The following RP1 variants were observed in gnomAD, a reference collection of about 807,000 sequenced individuals.
RP1 encodes oxygen-regulated protein 1.
A neutral mutation model predicts 14.8 loss-of-function variants in RP1; 16 were observed. The ratio of observed to expected loss-of-function variants is 1.08; its 90% CI spans 0.73 to 1.65. RP1 has a LOEUF of 1.65. RP1 is among the 40% of genes most tolerant of loss of function. The pLI, the probability that RP1 is intolerant of heterozygous loss-of-function variation, is 0.00. For synonymous variants in RP1, 876 were observed against 883.6 expected, an observed-to-expected ratio of 0.99 and a Z score of 0.15; for missense variants, 2,631 against 2,535.0, an observed-to-expected ratio of 1.04 and a Z score of -0.81.
chr8:54,669,896 G>A (rs577331934), intron 7 of RP1, among the ~76,000 whole-genome samples: 1 of 151,930 alleles, frequency 6.6e-6, no homozygotes, highest in South Asian at 2.1e-4. Flanking sequence ...AGGGAAGGGG[G>A]AGGGATAGCA....
At chr8:54,744,343 A>C (rs1338903094) in intron 19 of RP1, among the ~76,000 whole-genome samples, 1 of 152,162 alleles carries the variant, frequency 6.6e-6, no homozygotes, top group Non-Finnish European at 1.5e-5. Context: ...CTCCCTAGGG[A>C]GCCTAGGTGA....
chr8:54,656,021 C>G, intron 5 of RP1: 1 of 1,272,182 alleles, frequency 7.9e-7, no homozygotes, highest in Non-Finnish European at 1.1e-6. Flanking sequence ...TGAACAAAAA[C>G]TTATTTGACA....
At chr8:54,592,032 G>A (rs966005109) in intron 1 of RP1, among the ~76,000 whole-genome samples, 4 of 152,190 alleles carry the variant, frequency 2.6e-5, no homozygotes, top group African/African-American at 4.8e-5. Context: ...AAGGGGAAGA[G>A]CTACAGATTA....
downstream of RP1, among the ~76,000 whole-genome samples, chr8:54,772,629 A>G (rs1295832036): frequency 6.6e-6 from 1 of 152,166 alleles, no homozygotes; most frequent in East Asian, 1.9e-4. Flanking sequence ...TCATTATTCC[A>G]CTTCACAGGT....
chr8:54,728,576 C>G (rs941076439), intron 17 of RP1, among the ~76,000 whole-genome samples: 1 of 151,970 alleles, frequency 6.6e-6, no homozygotes, highest in African/African-American at 2.4e-5. Flanking sequence ...ATTCAAAATG[C>G]TTATTTATTA....
chr8:54,812,761 T>TCATC (rs1160464085), intron 24 of RP1, among the ~76,000 whole-genome samples: 1 of 135,198 alleles, frequency 7.4e-6, no homozygotes, highest in African/African-American at 2.7e-5. Context: ...TATCTATCTA[T>TCATC]CATCTATCTA....
intron 2 of RP1, 117 bp from the exon 3 acceptor site, chr8:54,622,000 T>A: frequency 3.9e-6 from 4 of 1,013,098 alleles, no homozygotes; most frequent in Non-Finnish European, 6.0e-6. Flanking sequence ...AAGAAAATGC[T>A]CAGTGATGAT....
chr8:54,612,628 G>A (rs958057154), upstream of RP1, among the ~76,000 whole-genome samples: 7 of 152,178 alleles, frequency 4.6e-5, no homozygotes, highest in African/African-American at 1.7e-4. Context: ...ATCCTTGGAA[G>A]TGTGAGATCA....
chr8:54,757,153 A>G (rs1042406975), intron 21 of RP1, among the ~76,000 whole-genome samples: 4 of 152,176 alleles, frequency 2.6e-5, no homozygotes, highest in Admixed American at 6.5e-5. Flanking sequence ...TAGTCCAGAA[A>G]CTGTGGTAAG....
intron 24 of RP1, among the ~76,000 whole-genome samples, chr8:54,796,653 C>T (rs1423224779): frequency 1.3e-5 from 2 of 152,064 alleles, no homozygotes; most frequent in African/African-American, 4.8e-5. Flanking sequence ...AGATTGACAG[C>T]CACCACCAGG....
chr8:54,768,337 A>G (rs1809816766), intron 22 of RP1, among the ~76,000 whole-genome samples: 1 of 152,120 alleles, frequency 6.6e-6, no homozygotes. Flanking sequence ...TAACATCTGT[A>G]TTTAAGTGTC....
chr8:54,787,055 A>C (rs1451281022), intron 24 of RP1, among the ~76,000 whole-genome samples: 1 of 152,170 alleles, frequency 6.6e-6, no homozygotes, highest in Non-Finnish European at 1.5e-5. Context: ...ACTTGGTTGT[A>C]GGACTTCATA....
chr8:54,600,568 G>C (rs1348425199), intron 1 of RP1, among the ~76,000 whole-genome samples: 1 of 152,138 alleles, frequency 6.6e-6, no homozygotes, highest in African/African-American at 2.4e-5. Flanking sequence ...GGTGGAGATG[G>C]AAGTCTTGGT....
chr8:54,616,469 C>T (rs1244412569), intron 1 of RP1, among the ~76,000 whole-genome samples: 2 of 152,130 alleles, frequency 1.3e-5, no homozygotes, highest in Non-Finnish European at 2.9e-5. Flanking sequence ...TTGTTTCTGA[C>T]AATAAAAGCA....
intron 24 of RP1, among the ~76,000 whole-genome samples, chr8:54,829,508 T>C (rs1472516336): frequency 1.3e-5 from 2 of 152,128 alleles, no homozygotes; most frequent in Admixed American, 1.3e-4. Context: ...CACAAGTATG[T>C]TTTTGGAGGA....
intron 24 of RP1, among the ~76,000 whole-genome samples, chr8:54,809,011 T>C (rs959965815): frequency 1.3e-5 from 2 of 152,266 alleles, no homozygotes; most frequent in Non-Finnish European, 2.9e-5. Flanking sequence ...CTAAAAGCTC[T>C]AGTTCTACCA....
At chr8:54,679,456 C>G in exon 10 of RP1, 2 of 1,535,888 alleles carry the variant, frequency 1.3e-6, no homozygotes, top group Non-Finnish European at 1.7e-6. Context: ...GTAAAATTGT[C>G]AGAGAACTGT....
At chr8:54,717,394 A>C (rs181123332) in intron 15 of RP1, among the ~76,000 whole-genome samples, 13 of 152,282 alleles carry the variant, frequency 8.5e-5, no homozygotes, top group Non-Finnish European at 1.5e-4. Flanking sequence ...ATATTAGTTA[A>C]ATAATTCACA....
chr8:54,601,674 G>T (rs1805298046), intron 1 of RP1, among the ~76,000 whole-genome samples: 1 of 149,658 alleles, frequency 6.7e-6, no homozygotes, highest in Non-Finnish European at 1.5e-5. Flanking sequence ...ATCTGCAGGA[G>T]CCCCAAACTG....
Sources: gnomAD v4.1 joint callset for allele counts (sites outside exome capture counted in the v4.1 genomes callset) on GRCh38, gnomAD v4.1.1 for gene constraint, MANE v1.5 for transcripts, NCBI Gene and HGNC (gene_info 2026-07-23, HGNC 2026-07-21) for gene names.